The following TMEM164 variants were observed in gnomAD, a reference collection of about 807,000 sequenced individuals.
TMEM164 encodes transmembrane protein 164.
In TMEM164, 4 loss-of-function variants were observed where a neutral mutation model predicts 18.8. That is an observed-to-expected ratio of 0.21 (90% CI 0.10 to 0.49). The LOEUF is 0.49. Ranked by LOEUF, TMEM164 falls within the 20% of genes least tolerant of loss-of-function variation. The pLI is 0.98. For synonymous variants in TMEM164, 86 were observed against 101.7 expected, an observed-to-expected ratio of 0.85 and a Z score of 0.93; for missense variants, 108 against 239.9, an observed-to-expected ratio of 0.45 and a Z score of 3.63.
At position 110,003,766 on chromosome X, in the gene TMEM164, C is replaced by T. The variant is rs955240740; in HGVS notation, c.-9C>T. The T allele has an allele frequency of 1.3e-5, 16 of 1,186,007 alleles. No individual in the cohort carries two copies. In the South Asian group the frequency reaches 3.0e-4, roughly 23 times the overall value. On this transcript the variant is annotated 5_prime_UTR_variant, in exon 2 of 7. Transcript: ENST00000372068. ...TTCCTGTACTGTGGTCAAGGGGAAC[C>T]ACTGCATCATGTCCCGGTATAGCTA... is the stretch of plus-strand genomic sequence containing the variant.
chrX:110,051,902 G>A (rs1935579409), intron 2 of TMEM164, among the ~76,000 whole-genome samples: 1 of 112,063 alleles, frequency 8.9e-6, no homozygotes, highest in African/African-American at 3.2e-5. Flanking sequence ...AGCAACAGAT[G>A]TTCATGATTC....
rs1329243154 is a variant in TMEM164 at position 110,174,076 on chromosome X, A to C, written c.*625A>C. 1 of 112,077 alleles carries C rather than the reference A, an allele frequency of 8.9e-6. No homozygotes were observed. Among genetic ancestry groups the C allele is most frequent in the Non-Finnish European group, 1.9e-5 (1 of 53,726 alleles). 9.2% of individuals were successfully genotyped at this position (112,077 alleles called of 1,213,427 possible). A position where few individuals can be genotyped will look rare whatever the true frequency, so the allele number is the denominator to read the frequency against. On this transcript the variant is annotated 3_prime_UTR_variant, in exon 7 of 7. Coordinates refer to ENST00000372068, the MANE Select transcript of TMEM164 (RefSeq NM_032227.4). ...CCTCCAGGATGCTGCCTGGGGTGGG[A>C]GGTGAGAGCACCACCCAGCCCAAGG...
chrX:110,003,301 T>C, intron 1 of TMEM164, 123 bp downstream of exon 1: 1 of 118,305 alleles, frequency 8.5e-6, no homozygotes, highest in Non-Finnish European at 1.8e-5. Flanking sequence ...TGGCTCCCGG[T>C]TCGCTGCCGC....
At chrX:110,095,595 G>T (rs768199923) in intron 3 of TMEM164, among the ~76,000 whole-genome samples, 9 of 111,701 alleles carry the variant, frequency 8.1e-5, no homozygotes, top group Non-Finnish European at 1.3e-4. Flanking sequence ...CTTTTTTCAA[G>T]GTTTTTAGCT....
At chrX:110,171,921 C>T (rs1419844568) in intron 6 of TMEM164, among the ~76,000 whole-genome samples, 1 of 112,293 alleles carries the variant, frequency 8.9e-6, no homozygotes, top group Non-Finnish European at 1.9e-5. Context: ...GAAGGCTGCA[C>T]TCTTCCCTGA....
intron 5 of TMEM164, among the ~76,000 whole-genome samples, chrX:110,163,512 G>GA (rs1375166868): frequency 2.7e-5 from 3 of 111,914 alleles, no homozygotes; most frequent in Non-Finnish European, 1.9e-5. Context: ...CCCACCAGCT[G>GA]CATGTGACTA....
chrX:110,171,328 A>G, intron 5 of TMEM164, 92 bp from the exon 6 acceptor site: 2 of 598,048 alleles, frequency 3.3e-6, no homozygotes, highest in Middle Eastern at 4.6e-4. Context: ...GTCATCAGGC[A>G]GCAGCTGTGA....
intron 3 of TMEM164, among the ~76,000 whole-genome samples, chrX:110,084,090 T>A (rs1602590478): frequency 9.1e-6 from 1 of 110,422 alleles, no homozygotes; most frequent in South Asian, 3.7e-4. Context: ...ATTCACTTAA[T>A]AGAAATGTTT....
chrX:110,042,568 T>A (rs933106102), intron 2 of TMEM164, among the ~76,000 whole-genome samples: 3 of 111,936 alleles, frequency 2.7e-5, no homozygotes, highest in African/African-American at 9.7e-5. Context: ...GGTCATATGG[T>A]AATTCTATGT....
At chrX:110,012,697 C>T (rs942066877) in intron 2 of TMEM164, among the ~76,000 whole-genome samples, 8 of 111,883 alleles carry the variant, frequency 7.2e-5, no homozygotes, top group Non-Finnish European at 1.5e-4. Flanking sequence ...GAAGGCCTGG[C>T]GAGGACCCCT....
chrX:110,045,836 C>A (rs894103705), intron 2 of TMEM164, among the ~76,000 whole-genome samples: 2 of 111,780 alleles, frequency 1.8e-5, no homozygotes, highest in African/African-American at 6.5e-5. Flanking sequence ...AAGGGAGGAA[C>A]AGAGATGCCT....
intron 2 of TMEM164, among the ~76,000 whole-genome samples, chrX:110,030,684 G>A (rs1353558375): frequency 9.4e-6 from 1 of 106,227 alleles, no homozygotes; most frequent in Non-Finnish European, 1.9e-5. Context: ...GGTGGTGGGC[G>A]CCTGTAATCC....
At chrX:110,037,545 G>A (rs2147773998) in intron 2 of TMEM164, among the ~76,000 whole-genome samples, 1 of 112,123 alleles carries the variant, frequency 8.9e-6, no homozygotes, top group Admixed American at 9.4e-5. Context: ...CATATATTGT[G>A]GAGGGCTTGT....
rs982455981 is a variant in TMEM164 at position 110,145,128 on chromosome X, C to T, written c.586+252C>T. Among the ~76,000 whole-genome samples the T allele has an allele frequency of 4.0e-4, 44 of 111,103 alleles. 1 individual carries two copies. Among genetic ancestry groups the T allele is most frequent in the Admixed American group, 5.7e-4 (6 of 10,459 alleles). On this transcript the variant is annotated intron_variant, in intron 5 of 6. Transcript: ENST00000372068. ...GTGCTGCTGACTGTCTGTCACAGGG[C>T]CTGGGCTTTGGGTTCTTGATGGTGG... is the stretch of plus-strand genomic sequence containing the variant.
intron 3 of TMEM164, among the ~76,000 whole-genome samples, chrX:110,078,859 G>A (rs759344489): frequency 1.8e-5 from 2 of 111,937 alleles, no homozygotes; most frequent in South Asian, 3.7e-4. Flanking sequence ...TTTGAGATAA[G>A]TATATAATAT....
chrX:110,168,899 G>A (rs888714625), intron 5 of TMEM164, among the ~76,000 whole-genome samples: 3 of 112,594 alleles, frequency 2.7e-5, no homozygotes, highest in African/African-American at 9.7e-5. Context: ...ATCAGCATTT[G>A]CTAAATCCCA....
chrX:110,081,126 CT>C (rs1476615040), intron 3 of TMEM164, among the ~76,000 whole-genome samples: 1 of 110,443 alleles, frequency 9.1e-6, no homozygotes, highest in Non-Finnish European at 1.9e-5. Context: ...GTAGAGAGCC[CT>C]TAAAATACTT....
At chrX:110,031,302 T>C (rs1238409024) in intron 2 of TMEM164, among the ~76,000 whole-genome samples, 1 of 111,981 alleles carries the variant, frequency 8.9e-6, no homozygotes, top group African/African-American at 3.2e-5. Flanking sequence ...ATCCAGTCTA[T>C]CATTGATGGG....
In TMEM164 at chrX:110,174,080, G is replaced by A. The variant is rs2067264022; in HGVS notation, c.*629G>A. The A allele has an allele frequency of 8.9e-6, 1 of 112,200 alleles. No individual in the cohort carries two copies. The highest frequency in any genetic ancestry group is 1.9e-5 in the Non-Finnish European group (1 of 53,767). 9.2% of individuals were successfully genotyped at this position (112,200 alleles called of 1,213,427 possible). ...CAGGATGCTGCCTGGGGTGGGAGGT[G>A]AGAGCACCACCCAGCCCAAGGGCTA... On this transcript the variant is annotated 3_prime_UTR_variant, in exon 7 of 7. Transcript: ENST00000372068.
Sources: allele counts gnomAD v4.1 joint callset (sites outside exome capture counted in the v4.1 genomes callset), GRCh38; gene constraint gnomAD v4.1.1; transcripts MANE v1.5; gene names NCBI Gene and HGNC (gene_info 2026-07-23, HGNC 2026-07-21).